The following TMEM163 variants were observed in gnomAD, a reference collection of about 807,000 sequenced individuals.
TMEM163 encodes the protein transmembrane protein 163.
A neutral mutation model predicts 29.3 loss-of-function variants in TMEM163; 17 were observed. The observed-to-expected ratio is 0.58, with a 90% CI of 0.40 to 0.87. The LOEUF is 0.87. TMEM163 is among the 40% of genes least tolerant of loss of function. TMEM163 has a pLI of 0.00. For missense variants in TMEM163, 303 were observed against 381.5 expected, an observed-to-expected ratio of 0.79 and a Z score of 1.71; for synonymous variants, 157 against 160.6, an observed-to-expected ratio of 0.98 and a Z score of 0.17.
intron 2 of TMEM163, among the ~76,000 whole-genome samples, chr2:134,658,952 T>G (rs749807759): frequency 6.6e-6 from 1 of 152,160 alleles, no homozygotes; most frequent in Admixed American, 6.5e-5. Context: ...AATACAGTCA[T>G]GTGTCTCTTA....
chr2:134,673,006 G>C (rs111912799), intron 2 of TMEM163, among the ~76,000 whole-genome samples: 261 of 152,178 alleles, frequency 1.7e-3, no homozygotes, highest in African/African-American at 6.1e-3. Flanking sequence ...ACTTTAATTA[G>C]GTCATTTAAA....
chr2:134,697,259 T>C (rs1319427895), intron 2 of TMEM163, among the ~76,000 whole-genome samples: 1 of 152,182 alleles, frequency 6.6e-6, no homozygotes, highest in Non-Finnish European at 1.5e-5. Flanking sequence ...CGTATAATAA[T>C]AAGGAGAAGT....
At chr2:134,584,191 C>T (rs959802729) in intron 2 of TMEM163, among the ~76,000 whole-genome samples, 3 of 152,160 alleles carry the variant, frequency 2.0e-5, no homozygotes, top group Non-Finnish European at 2.9e-5. Flanking sequence ...TTTTGGATGC[C>T]CTAATTGATA....
intron 4 of TMEM163, among the ~76,000 whole-genome samples, chr2:134,516,743 A>ATATATATGAATATATATATG: frequency 3.2e-5 from 3 of 92,378 alleles, no homozygotes; most frequent in African/African-American, 1.1e-4. Context: ...ATATATATGC[A>ATATATATGAATATATATATG]TATATATATG....
At chr2:134,482,691 A>T (rs1189676651) in intron 5 of TMEM163, among the ~76,000 whole-genome samples, 1 of 152,192 alleles carries the variant, frequency 6.6e-6, no homozygotes, top group East Asian at 1.9e-4. Context: ...GATGTAGAGG[A>T]AATTTCGCCA....
intron 2 of TMEM163, among the ~76,000 whole-genome samples, chr2:134,706,113 G>T (rs1351594161): frequency 6.6e-6 from 1 of 152,196 alleles, no homozygotes; most frequent in Non-Finnish European, 1.5e-5. Context: ...TGTGAGCGGA[G>T]ACTCAGGAAG....
At chr2:134,678,669 G>A (rs1684169682) in intron 2 of TMEM163, among the ~76,000 whole-genome samples, 1 of 152,200 alleles carries the variant, frequency 6.6e-6, no homozygotes, top group South Asian at 2.1e-4. Context: ...AGCCTGGGGA[G>A]TCCTTTCCCA....
intron 2 of TMEM163, among the ~76,000 whole-genome samples, chr2:134,621,017 A>T (rs894281247): frequency 6.6e-6 from 1 of 152,228 alleles, no homozygotes; most frequent in Admixed American, 6.5e-5. Flanking sequence ...GCTTCAAAAA[A>T]TATCTTTAAG....
intron 5 of TMEM163, among the ~76,000 whole-genome samples, chr2:134,474,047 C>T (rs943142987): frequency 5.3e-5 from 8 of 152,140 alleles, no homozygotes; most frequent in African/African-American, 1.9e-4. Flanking sequence ...ACACTAAAAG[C>T]AGAAGCATCA....
chr2:134,653,944 G>C lies in TMEM163; in HGVS notation c.322+59256C>G, dbSNP rs370326501. On this transcript the variant is annotated intron_variant, in intron 2 of 7. Transcript: ENST00000281924. ...TTATAATTTCTGTTCTTTTACATTTGCTGAGGAGAGCTTTACTTCCAACTA... is the reference window on the plus strand; with the variant it reads ...TTATAATTTCTGTTCTTTTACATTTCCTGAGGAGAGCTTTACTTCCAACTA... Among the ~76,000 whole-genome samples, 5 of 120,532 alleles carry C rather than the reference G, an allele frequency of 4.1e-5. 1 individual carries two copies. Among genetic ancestry groups the C allele is most frequent in the African/African-American group, 1.2e-4 (3 of 24,708 alleles). The allele number at this position is 120,532 out of a possible 152,430, so 79.1% of individuals were successfully genotyped here. A position where few individuals can be genotyped will look rare whatever the true frequency, so the allele number is the denominator to read the frequency against.
chr2:134,672,147 C>T (rs1188803438), intron 2 of TMEM163, among the ~76,000 whole-genome samples: 1 of 152,152 alleles, frequency 6.6e-6, no homozygotes, highest in African/African-American at 2.4e-5. Context: ...GCTATTTCTG[C>T]CTCAAAACCT....
In TMEM163 at chr2:134,538,260, G is replaced by A. The variant is rs181992727; in HGVS notation, c.458+12310C>T. The stretch of plus-strand genomic sequence containing the variant: ...GGCCCGAGAGCTGCCTTGCCTCTTG[G>A]GCCATATGAGGACACCTCAGGAAAA... On this transcript the variant is annotated intron_variant, in intron 4 of 7. Coordinates refer to ENST00000281924, the MANE Select transcript of TMEM163 (RefSeq NM_030923.5). Among the ~76,000 whole-genome samples, 16 of 152,224 alleles carry A rather than the reference G, an allele frequency of 1.1e-4. 1 individual carries two copies. Among genetic ancestry groups the A allele is most frequent in the African/African-American group, 3.9e-4 (16 of 41,520 alleles).
chr2:134,463,573 A>G (rs886730568), intron 6 of TMEM163, among the ~76,000 whole-genome samples: 5 of 152,230 alleles, frequency 3.3e-5, no homozygotes, highest in African/African-American at 1.2e-4. Context: ...AGACCCCAGA[A>G]GCCCAGGCTG....
intron 2 of TMEM163, among the ~76,000 whole-genome samples, chr2:134,610,139 T>C (rs1682468507): frequency 6.6e-6 from 1 of 151,962 alleles, no homozygotes; most frequent in Non-Finnish European, 1.5e-5. Flanking sequence ...CTGACAAGGG[T>C]TGAGGAAGGG....
intron 2 of TMEM163, among the ~76,000 whole-genome samples, chr2:134,711,563 G>C (rs1230150715): frequency 6.6e-6 from 1 of 152,184 alleles, no homozygotes; most frequent in Non-Finnish European, 1.5e-5. Context: ...GAAAAAGAAA[G>C]AGAAGCCCTT....
At chr2:134,535,206 T>C (rs956736794) in intron 4 of TMEM163, among the ~76,000 whole-genome samples, 2 of 152,248 alleles carry the variant, frequency 1.3e-5, no homozygotes, top group South Asian at 2.1e-4. Flanking sequence ...GATTCATGTC[T>C]TGGTTGTTCA....
At chr2:134,484,393 G>T (rs960423936) in intron 5 of TMEM163, among the ~76,000 whole-genome samples, 2 of 151,994 alleles carry the variant, frequency 1.3e-5, no homozygotes, top group African/African-American at 4.8e-5. Context: ...GAAATTGGAA[G>T]ACAAGCTGAG....
At chr2:134,521,091 C>G (rs1254653158) in intron 4 of TMEM163, among the ~76,000 whole-genome samples, 2 of 152,134 alleles carry the variant, frequency 1.3e-5, no homozygotes, top group Admixed American at 6.5e-5. Flanking sequence ...CTCCACCTCC[C>G]AAGTGCAAGC....
intron 5 of TMEM163, among the ~76,000 whole-genome samples, chr2:134,498,847 G>A (rs895452287): frequency 6.6e-6 from 1 of 152,204 alleles, no homozygotes; most frequent in African/African-American, 2.4e-5. Context: ...ACAGGAGGCC[G>A]GAGCCAAAAA....
Sources: gnomAD v4.1 joint callset for allele counts (sites outside exome capture counted in the v4.1 genomes callset) on GRCh38, gnomAD v4.1.1 for gene constraint, MANE v1.5 for transcripts, NCBI Gene and HGNC (gene_info 2026-07-23, HGNC 2026-07-21) for gene names.